Variants in TOX observed in about 807,000 individuals in gnomAD.
TOX encodes thymocyte selection-associated high mobility group box protein TOX.
A neutral mutation model predicts 53.7 loss-of-function variants in TOX; 11 were observed. The ratio of observed to expected loss-of-function variants is 0.20; its 90% CI spans 0.13 to 0.34. The LOEUF (loss-of-function observed/expected upper bound fraction) is 0.34. Among genes scored for constraint, TOX ranks in the 10% least tolerant of loss-of-function variants. The pLI is 1.00. For missense variants in TOX, 570 were observed against 664.6 expected (o/e 0.86, Z 1.56); for synonymous variants, 225 against 245.3 (o/e 0.92, Z 0.77).
chr8:58,976,570 T>A lies in TOX; in HGVS notation c.103-16562A>T, dbSNP rs77391264. On this transcript the variant is annotated intron_variant, in intron 1 of 8. Transcript: ENST00000361421. ...CATGAATCATCATGAATGTTCTTAA[T>A]GGCAACTAGAATGGTAAAATCATCT... Among the ~76,000 whole-genome samples, 954 of 152,350 alleles carry A rather than the reference T, an allele frequency of 6.3e-3. 47 individuals carry two copies. In the East Asian group the frequency reaches 0.088, roughly 14 times the overall value.
intron 1 of TOX, among the ~76,000 whole-genome samples, chr8:59,067,306 C>T (rs1804110622): frequency 5.3e-5 from 8 of 152,186 alleles, no homozygotes; most frequent in Admixed American, 5.2e-4. Context: ...ATAATCCCAG[C>T]ACTTTGGGAG....
At chr8:58,895,394 A>G (rs924748503) in intron 3 of TOX, among the ~76,000 whole-genome samples, 1 of 152,238 alleles carries the variant, frequency 6.6e-6, no homozygotes, top group African/African-American at 2.4e-5. Flanking sequence ...GTATAAATAT[A>G]TGAGATAAAA....
intron 1 of TOX, among the ~76,000 whole-genome samples, chr8:58,962,661 C>T (rs1344648448): frequency 6.6e-6 from 1 of 152,160 alleles, no homozygotes. Context: ...TGACACTTAG[C>T]CCAATGTGGT....
intron 1 of TOX, among the ~76,000 whole-genome samples, chr8:59,002,378 G>A (rs1411146153): frequency 6.6e-6 from 1 of 151,518 alleles, no homozygotes; most frequent in African/African-American, 2.4e-5. Flanking sequence ...GGATCACGAG[G>A]TCAGGAGATG....
intron 1 of TOX, among the ~76,000 whole-genome samples, chr8:58,977,703 T>A (rs142811096): frequency 6.6e-6 from 1 of 152,206 alleles, no homozygotes; most frequent in Non-Finnish European, 1.5e-5. Flanking sequence ...TTGTTATGAC[T>A]CAGAAAATAG....
intron 1 of TOX, among the ~76,000 whole-genome samples, chr8:59,052,465 G>T (rs1219888878): frequency 6.6e-6 from 1 of 152,118 alleles, no homozygotes. Context: ...TACCTTCTCT[G>T]CTGACTTTTA....
chr8:58,931,150 G>A (rs1458854472), intron 3 of TOX, among the ~76,000 whole-genome samples: 1 of 152,142 alleles, frequency 6.6e-6, no homozygotes, highest in Non-Finnish European at 1.5e-5. Context: ...CACACTGTAG[G>A]AGGGATCAAT....
At chr8:58,992,611 C>A (rs1430945738) in intron 1 of TOX, among the ~76,000 whole-genome samples, 1 of 152,142 alleles carries the variant, frequency 6.6e-6, no homozygotes, top group Non-Finnish European at 1.5e-5. Context: ...TAGAGAACAG[C>A]AGTAGTCTCC....
chr8:58,929,166 ACT>A (rs1812217020), intron 3 of TOX, among the ~76,000 whole-genome samples: 1 of 152,136 alleles, frequency 6.6e-6, no homozygotes, highest in African/African-American at 2.4e-5. Flanking sequence ...AGAGGATTTA[ACT>A]ATCATTTTTG....
chr8:58,836,269 C>A (rs1424515428), intron 5 of TOX, among the ~76,000 whole-genome samples: 1 of 152,124 alleles, frequency 6.6e-6, no homozygotes, highest in African/African-American at 2.4e-5. Flanking sequence ...GTGGAGAAGT[C>A]AAGTCACTGT....
intron 1 of TOX, among the ~76,000 whole-genome samples, chr8:59,080,401 G>A (rs1357744980): frequency 6.6e-6 from 1 of 151,962 alleles, no homozygotes; most frequent in African/African-American, 2.4e-5. Flanking sequence ...CATAGGTAAA[G>A]GTACTCCCCT....
intron 1 of TOX, among the ~76,000 whole-genome samples, chr8:58,987,222 C>T (rs1813348642): frequency 6.6e-6 from 1 of 152,124 alleles, no homozygotes; most frequent in Non-Finnish European, 1.5e-5. Flanking sequence ...CATTTGAAGA[C>T]CAAACCAAGG....
Position 58,838,119 on chromosome 8 carries a change from C to A in TOX, c.886G>T (p.Ala296Ser). Residue 296 changes from alanine (A) to serine (S), a missense_variant, in exon 5 of 9, where the codon GCT becomes TCT. Transcript: ENST00000361421. ...TCTCCTAAACCGTCCCACATTGAAG[C>A]CACAATTTTAGAGACTTCGCCAAAG... ...ATFGEVSKIV[A>S]SMWDGLGEEQ... 6.2e-7 allele frequency: 1 copy of A among 1,614,174 alleles called. No homozygotes were observed. Among genetic ancestry groups the A allele is most frequent in the Non-Finnish European group, 8.5e-7 (1 of 1,180,000 alleles).
intron 2 of TOX, among the ~76,000 whole-genome samples, chr8:58,949,396 AC>A (rs1812580042): frequency 6.6e-6 from 1 of 152,168 alleles, no homozygotes; most frequent in African/African-American, 2.4e-5. Context: ...TGCAAACCAC[AC>A]CATGACAAAT....
At chr8:58,966,772 C>T (rs1026106296) in intron 1 of TOX, among the ~76,000 whole-genome samples, 6 of 152,016 alleles carry the variant, frequency 3.9e-5, no homozygotes, top group Non-Finnish European at 7.4e-5. Flanking sequence ...GACAGTTTCC[C>T]TCTGCTGTTA....
chr8:58,848,377 C>G (rs937448069), intron 4 of TOX, among the ~76,000 whole-genome samples: 1 of 151,768 alleles, frequency 6.6e-6, no homozygotes, highest in African/African-American at 2.4e-5. Flanking sequence ...GAAAAACAAG[C>G]CTATTTTCAT....
At chr8:59,027,513 A>G (rs1213660609) in intron 1 of TOX, among the ~76,000 whole-genome samples, 1 of 152,082 alleles carries the variant, frequency 6.6e-6, no homozygotes, top group African/African-American at 2.4e-5. Context: ...TCTTTTTAAA[A>G]CCAGTCTTTC....
At position 59,013,717 on chromosome 8, in the gene TOX, G is replaced by C. The variant is rs117196843; in HGVS notation, c.103-53709C>G. Reference sequence around the variant, plus strand: ...AGCCAGCGCACCTGGCCATCAAATAGGTTTCTATGAGGCATCATTAATCAT... The same window carrying C: ...AGCCAGCGCACCTGGCCATCAAATACGTTTCTATGAGGCATCATTAATCAT... On this transcript the variant is annotated intron_variant, in intron 1 of 8. Coordinates refer to ENST00000361421, the MANE Select transcript of TOX (RefSeq NM_014729.3). Among the ~76,000 whole-genome samples, 1,501 of 152,244 alleles carry C rather than the reference G, an allele frequency of 9.9e-3. 51 individuals are homozygous for C. Among genetic ancestry groups the C allele is most frequent in the South Asian group, 0.096 (462 of 4,816 alleles).
At chr8:59,065,225 C>A (rs1348119040) in intron 1 of TOX, among the ~76,000 whole-genome samples, 1 of 152,084 alleles carries the variant, frequency 6.6e-6, no homozygotes, top group East Asian at 1.9e-4. Flanking sequence ...AATTAAACAA[C>A]AACAACAACA....
Sources: allele counts gnomAD v4.1 joint callset (sites outside exome capture counted in the v4.1 genomes callset), GRCh38; gene constraint gnomAD v4.1.1; transcripts MANE v1.5; gene names NCBI Gene and HGNC (gene_info 2026-07-23, HGNC 2026-07-21).